Variants in C10orf67 observed in about 807,000 individuals in gnomAD.
C10orf67 encodes chromosome 10 open reading frame 67.
Under a neutral mutation model 35.6 loss-of-function variants are expected in C10orf67, and 60 were observed. That is an observed-to-expected ratio of 1.68 (90% confidence interval 1.37 to 2.09). The LOEUF (loss-of-function observed/expected upper bound fraction) is 2.09. C10orf67 is among the 30% of genes most tolerant of loss of function. The pLI is 0.00. For synonymous variants in C10orf67, 167 were observed against 115.8 expected (o/e 1.44, Z -2.84); for missense variants, 474 against 330.2 (o/e 1.44, Z -3.38).
At chr10:23,275,325 ACAAG>A (rs1843157367) in intron 8 of C10orf67, among the ~76,000 whole-genome samples, 1 of 152,132 alleles carries the variant, frequency 6.6e-6, no homozygotes, top group Non-Finnish European at 1.5e-5. Context: ...TCTCTTAAAA[ACAAG>A]CAAACTAACT....
At chr10:23,329,805 A>AAAAAG (rs1271396138) in intron 2 of C10orf67, among the ~76,000 whole-genome samples, 1 of 149,918 alleles carries the variant, frequency 6.7e-6, no homozygotes, top group African/African-American at 2.4e-5. Flanking sequence ...CTCAAAAAAA[A>AAAAAG]AAAAAAAAAA....
At chr10:23,226,455 T>C (rs1841745094) in intron 13 of C10orf67, among the ~76,000 whole-genome samples, 1 of 151,480 alleles carries the variant, frequency 6.6e-6, no homozygotes, top group Admixed American at 6.6e-5. Context: ...TAGAGGGAAA[T>C]TTATCACACT....
At chr10:23,331,188 GGGA>G (rs1845442721) in intron 2 of C10orf67, among the ~76,000 whole-genome samples, 2 of 8,504 alleles carry the variant, frequency 2.4e-4, no homozygotes, top group African/African-American at 6.0e-4. Flanking sequence ...GGGAAGGGAA[GGGA>G]AGGGAAGGGA....
At chr10:23,315,164 T>C (rs7079718) in intron 4 of C10orf67, among the ~76,000 whole-genome samples, 29,782 of 152,140 alleles carry the variant, frequency 0.2, 3,226 homozygotes, top group Admixed American at 0.29. Flanking sequence ...AATAATGACT[T>C]TAATTTAATT....
At chr10:23,261,799 A>G (rs1842757053) in intron 10 of C10orf67, among the ~76,000 whole-genome samples, 1 of 152,202 alleles carries the variant, frequency 6.6e-6, no homozygotes, top group Non-Finnish European at 1.5e-5. Flanking sequence ...ATGAATCAAT[A>G]AGAGGAAACA....
At chr10:23,335,296 AGAGT>A (rs1845637761) in intron 1 of C10orf67, among the ~76,000 whole-genome samples, 1 of 152,156 alleles carries the variant, frequency 6.6e-6, no homozygotes. Context: ...GTAATGTCAT[AGAGT>A]AAGTGCAATT....
chr10:23,334,931 A>G (rs1845617854), intron 1 of C10orf67, among the ~76,000 whole-genome samples: 1 of 152,160 alleles, frequency 6.6e-6, no homozygotes, highest in African/African-American at 2.4e-5. Context: ...GCTCATGCCT[A>G]TAATCTCAGC....
intron 12 of C10orf67, among the ~76,000 whole-genome samples, chr10:23,243,688 CAAA>C (rs1217352444): frequency 1.4e-4 from 11 of 80,486 alleles, no homozygotes; most frequent in East Asian, 6.8e-4. Flanking sequence ...ATCTCTGGCT[CAAA>C]AAAAAAAAAA....
intron 10 of C10orf67, among the ~76,000 whole-genome samples, chr10:23,260,815 C>T (rs575903962): frequency 5.3e-5 from 8 of 152,164 alleles, no homozygotes; most frequent in Non-Finnish European, 1.2e-4. Flanking sequence ...TATTACTTTC[C>T]TAATGTTTGC....
intron 1 of C10orf67, among the ~76,000 whole-genome samples, chr10:23,338,045 G>C (rs1470508193): frequency 6.6e-6 from 1 of 152,218 alleles, no homozygotes; most frequent in East Asian, 1.9e-4. Context: ...GGAAGGAACA[G>C]ATTGAGAGAT....
chr10:23,223,945 A>C, intron 13 of C10orf67, 127 bp from the exon 14 acceptor site: 1 of 631,210 alleles, frequency 1.6e-6, no homozygotes, highest in Admixed American at 2.7e-5. Context: ...TTATTTGCTC[A>C]AATATGGCTG....
intron 1 of C10orf67, among the ~76,000 whole-genome samples, chr10:23,340,479 C>T (rs1251466088): frequency 6.6e-6 from 1 of 152,126 alleles, no homozygotes; most frequent in Non-Finnish European, 1.5e-5. Context: ...GTGACCATAC[C>T]ACTGCACTCC....
At chr10:23,211,894 C>G (rs1841319368) in intron 15 of C10orf67, among the ~76,000 whole-genome samples, 1 of 152,086 alleles carries the variant, frequency 6.6e-6, no homozygotes, top group African/African-American at 2.4e-5. Context: ...ACTGGGAGAA[C>G]AAGATAAACA....
Position 23,243,243 on chromosome 10 carries a change from A to G in C10orf67, c.1347-3427T>C, listed in dbSNP as rs371123941. Among the ~76,000 whole-genome samples the G allele has an allele frequency of 5.3e-5, 8 of 152,370 alleles. No individual in the cohort carries two copies. In the East Asian group the frequency reaches 9.6e-4, roughly 18 times the overall value. The stretch of plus-strand genomic sequence containing the variant: ...ATTAAAATAAGAAATAGATACATCT[A>G]TAATCATGGTAGAAAATTTAATACT... On this transcript the variant is annotated intron_variant, in intron 12 of 15. Transcript: ENST00000636213.
chr10:23,210,022 A>G (rs980496948), intron 15 of C10orf67, among the ~76,000 whole-genome samples: 2 of 145,484 alleles, frequency 1.4e-5, no homozygotes, highest in Admixed American at 7.0e-5. Flanking sequence ...AAAAAAAAAA[A>G]GGAATTAAGG....
At chr10:23,302,241 A>G (rs973670885) in intron 5 of C10orf67, among the ~76,000 whole-genome samples, 5 of 151,490 alleles carry the variant, frequency 3.3e-5, no homozygotes, top group Non-Finnish European at 7.4e-5. Context: ...AACATAATCT[A>G]TACATTATAA....
At chr10:23,316,520 C>G (rs1237969783) in intron 4 of C10orf67, among the ~76,000 whole-genome samples, 1 of 152,306 alleles carries the variant, frequency 6.6e-6, no homozygotes, top group South Asian at 2.1e-4. Flanking sequence ...TTTAGTCCCA[C>G]CATTTGGTGG....
chr10:23,281,235 A>G (rs1843355042), intron 8 of C10orf67, among the ~76,000 whole-genome samples: 1 of 152,228 alleles, frequency 6.6e-6, no homozygotes, highest in South Asian at 2.1e-4. Flanking sequence ...GCTGAGAGTA[A>G]CAAAACAGAG....
chr10:23,227,692 T>A (rs1841779544), intron 13 of C10orf67, among the ~76,000 whole-genome samples: 1 of 152,164 alleles, frequency 6.6e-6, no homozygotes, highest in Non-Finnish European at 1.5e-5. Context: ...GAAAACCCCA[T>A]CGTCTCAGCC....
Sources: gnomAD v4.1 joint callset for allele counts (sites outside exome capture counted in the v4.1 genomes callset) on GRCh38, gnomAD v4.1.1 for gene constraint, MANE v1.5 for transcripts, NCBI Gene and HGNC (gene_info 2026-07-23, HGNC 2026-07-21) for gene names.